The following MUC4 variants were observed in gnomAD, a reference collection of about 807,000 sequenced individuals.
The protein encoded by MUC4 is mucin 4, cell surface associated.
In MUC4, 202 loss-of-function variants were observed where a neutral mutation model predicts 257.9. The observed-to-expected ratio is 0.78, with a 90% confidence interval of 0.70 to 0.88. The LOEUF (loss-of-function observed/expected upper bound fraction) is 0.88. Among genes scored for constraint, MUC4 ranks in the 40% least tolerant of loss-of-function variants. MUC4 has a pLI of 0.00. For missense variants in MUC4, 5,976 were observed against 6,513.7 expected, an observed-to-expected ratio of 0.92 and a Z score of 2.84; for synonymous variants, 2,351 against 2,757.1, an observed-to-expected ratio of 0.85 and a Z score of 4.62.
At chr3:195,803,906 C>T (rs116077452) in intron 1 of MUC4, among the ~76,000 whole-genome samples, 1,721 of 151,710 alleles carry the variant, frequency 0.011, 33 homozygotes, top group African/African-American at 0.039. Context: ...AGCCTGAGGC[C>T]GAGCCAGGCA....
At chr3:195,797,570 A>G (rs778550460) in intron 1 of MUC4, among the ~76,000 whole-genome samples, 2 of 152,250 alleles carry the variant, frequency 1.3e-5, no homozygotes, top group African/African-American at 2.4e-5. Flanking sequence ...CTGTAAAATC[A>G]GGAATAAAAA....
At chr3:195,802,211 G>C (rs1471189566) in intron 1 of MUC4, among the ~76,000 whole-genome samples, 2 of 152,202 alleles carry the variant, frequency 1.3e-5, no homozygotes, top group Non-Finnish European at 2.9e-5. Context: ...CCAGAAAGCT[G>C]TGGGTCCTCT....
intron 1 of MUC4, 42 bp downstream of exon 1, chr3:195,811,694 T>C: frequency 6.3e-7 from 1 of 1,592,308 alleles, no homozygotes; most frequent in Non-Finnish European, 8.6e-7. Flanking sequence ...CTCCCCCAAG[T>C]GCTCCCCGCA....
intron 3 of MUC4, among the ~76,000 whole-genome samples, chr3:195,776,159 C>G (rs1263958792): frequency 8.8e-5 from 5 of 56,876 alleles, no homozygotes; most frequent in African/African-American, 3.2e-4. Flanking sequence ...ACCTTCCACA[C>G]CCATACCTTC....
chr3:195,767,630 T>C (rs867676869), intron 7 of MUC4, among the ~76,000 whole-genome samples: 66 of 26,676 alleles, frequency 2.5e-3, no homozygotes, highest in Admixed American at 4.5e-3. Context: ...ATCACCACCA[T>C]CACCACCACC....
intron 9 of MUC4, 31 bp from the exon 10 acceptor site, chr3:195,765,153 G>T: frequency 6.2e-7 from 1 of 1,601,866 alleles, no homozygotes; most frequent in South Asian, 1.1e-5. Flanking sequence ...CTCAGGCCCA[G>T]GCTGGGGCTG....
chr3:195,761,547 G>A lies in MUC4; in HGVS notation c.14551C>T (p.Pro4851Ser), dbSNP rs1718909205. The stretch of plus-strand genomic sequence containing the variant: ...CCTGGGGGAATGGTGGAGCCATTGG[G>A]CATCCTGAAGTCGTCCTCTGGATTG... Reference protein sequence around the residue: ...NNNPEDDFRMPNGSTIPPGSP... With the variant: ...NNNPEDDFRMSNGSTIPPGSP... The change falls in exon 15 of 25, where the codon CCC becomes TCC. Residue 4851 changes from proline to serine, a missense_variant. This residue lies in a region of MUC4 where 996 missense variants were observed against 1,137.3 expected (regional missense o/e 0.88). Coordinates refer to ENST00000463781, the MANE Select transcript of MUC4 (RefSeq NM_018406.7). 3 of 1,614,160 alleles carry A rather than the reference G, an allele frequency of 1.9e-6. No individual in the cohort carries two copies. The highest frequency in any genetic ancestry group is 2.5e-6 in the Non-Finnish European group (3 of 1,179,980).
At chr3:195,799,451 C>T (rs1345314599) in intron 1 of MUC4, among the ~76,000 whole-genome samples, 2 of 152,198 alleles carry the variant, frequency 1.3e-5, no homozygotes, top group Non-Finnish European at 2.9e-5. Flanking sequence ...CAGGCATGTG[C>T]CACCATGCCA....
chr3:195,771,567 A>G (rs1232986685), intron 5 of MUC4, 85 bp downstream of exon 5: 1 of 1,476,982 alleles, frequency 6.8e-7, no homozygotes, highest in Non-Finnish European at 9.2e-7. Flanking sequence ...TCACAGCAGC[A>G]ACTCTGGCAA....
At chr3:195,768,948 T>C (rs1333077907) in intron 7 of MUC4, 74 bp downstream of exon 7, 3 of 1,524,120 alleles carry the variant, frequency 2.0e-6, no homozygotes, top group East Asian at 2.3e-5. Context: ...AGGATGGGAG[T>C]GTGTGTGCAG....
chr3:195,767,468 CCACCATCACCATCACCACCACCAT>C (rs1720853073), intron 7 of MUC4, among the ~76,000 whole-genome samples: 1 of 140,310 alleles, frequency 7.1e-6, no homozygotes, highest in Non-Finnish European at 1.6e-5. Flanking sequence ...AACACTACCA[CCACCATCACCATCACCACCACCAT>C]CACCATCACC....
chr3:195,791,814 T>A (rs188716174), intron 1 of MUC4, among the ~76,000 whole-genome samples: 1 of 152,214 alleles, frequency 6.6e-6, no homozygotes, highest in Admixed American at 6.5e-5. Flanking sequence ...ACAGAATAGA[T>A]ACCTTGGAAA....
At position 195,779,420 on chromosome 3, in the gene MUC4, C is replaced by G. The variant is rs201839412; in HGVS notation, c.12160G>C (p.Ala4054Pro). The change falls in exon 2 of 25, where the codon GCT (alanine) becomes CCT (proline). Residue 4054 changes from alanine (A) to proline (P), a missense_variant. Physicochemically the swap from Ala to Pro is conservative, Grantham distance 27 (BLOSUM62 -1). Transcript: ENST00000463781. ...GDTTPLPVTNASSLSTGHATP... is the reference protein window; with the variant it reads ...GDTTPLPVTNPSSLSTGHATP... The stretch of plus-strand genomic sequence containing the variant: ...GCGTGACCTGTGGATAATGAGGAAG[C>G]ATTGGTGACAGGAAGAGGGGTGGTG... 8.5e-5 allele frequency: 57 copies of G among 671,028 alleles called. 12 individuals carry two copies. In the African/African-American group the frequency reaches 1.9e-3, roughly 23 times the overall value. 41.6% of individuals were successfully genotyped at this position (671,028 alleles called of 1,614,324 possible).
chr3:195,789,052 G>A lies in MUC4; in HGVS notation c.2528C>T (p.Ser843Leu), dbSNP rs771616546. The A allele has an allele frequency of 5.0e-6, 8 of 1,613,810 alleles. No individual in the cohort carries two copies. Among genetic ancestry groups the A allele is most frequent in the East Asian group, 4.5e-5 (2 of 44,894 alleles). The change falls in exon 2 of 25, where the codon TCA becomes TTA. Residue 843 changes from serine to leucine, a missense_variant. Physicochemically the swap from Ser to Leu is moderately radical, Grantham distance 145. Around this residue, in one of 44 missense-constraint regions of MUC4, gnomAD observed 1,583 missense variants for 1,257.4 expected, o/e 1.26. Coordinates refer to ENST00000463781, the MANE Select transcript of MUC4 (RefSeq NM_018406.7). ...TGAGGCGGACAGCAATTCGGTTGTT[G>A]ACTGGGTTGTGTGACTGTCCCTGGA... ...NPSRDSHTTQ[S>L]TTELLSASAS... is the part of the protein sequence containing the mutation.
intron 7 of MUC4, among the ~76,000 whole-genome samples, chr3:195,767,836 C>T (rs934966719): frequency 2.3e-4 from 26 of 112,058 alleles, no homozygotes; most frequent in African/African-American, 7.4e-4. Context: ...CCACCATCAC[C>T]ACCACCACCA....
intron 6 of MUC4, among the ~76,000 whole-genome samples, chr3:195,769,921 T>C (rs3096333): frequency 0.42 from 63,357 of 152,054 alleles, 13,821 homozygotes; most frequent in East Asian, 0.75. Flanking sequence ...CGTGAAATTG[T>C]GAATAGCCAG....
At chr3:195,766,592 C>A (rs948070641) in intron 8 of MUC4, 71 bp downstream of exon 8, 3 of 1,388,154 alleles carry the variant, frequency 2.2e-6, no homozygotes, top group African/African-American at 1.4e-5. Flanking sequence ...TCTAGGACTG[C>A]GATGGTGTAT....
Position 195,771,717 on chromosome 3 carries a change from C to T in MUC4, c.13177G>A (p.Ala4393Thr), listed in dbSNP as rs758250538. ...PTGFTGRDPV[A>T]LVAPFWDDAD... ...TCGTCCCAGAACGGAGCCACCAGGGCCACAGGGTCCCGGCCTGTGAAGCCT... is the reference window on the plus strand; with the variant it reads ...TCGTCCCAGAACGGAGCCACCAGGGTCACAGGGTCCCGGCCTGTGAAGCCT... Residue 4393 changes from alanine to threonine, a missense_variant, in exon 5 of 25, where the codon GCC (alanine) becomes ACC (threonine). Ala to Thr is a moderately conservative substitution (Grantham distance 58). Transcript: ENST00000463781. The T allele has an allele frequency of 3.7e-6, 6 of 1,613,920 alleles. No homozygotes were observed. Among genetic ancestry groups the T allele is most frequent in the Non-Finnish European group, 5.1e-6 (6 of 1,179,854 alleles).
Position 195,789,106 on chromosome 3 carries a change from C to T in MUC4, c.2474G>A (p.Gly825Glu). 1 of 1,613,574 alleles carries T rather than the reference C, an allele frequency of 6.2e-7. No homozygotes were observed. Among genetic ancestry groups the T allele is most frequent in the Non-Finnish European group, 8.5e-7 (1 of 1,179,748 alleles). ...GTTTGATGAAAACCTTGTCGTCTCT[C>T]CTGAGGTGGATATTCCTTCGCTTCC... is the stretch of plus-strand genomic sequence containing the variant. ...PSGSEGISTS[G>E]ETTRFSSNPS... is the part of the protein sequence containing the mutation. The change falls in exon 2 of 25, where the codon GGA becomes GAA. Residue 825 changes from glycine (G) to glutamate (E), a missense_variant. Physicochemically the swap from Gly to Glu is moderately conservative, Grantham distance 98. Transcript: ENST00000463781.
Sources: gnomAD v4.1 joint callset for allele counts (sites outside exome capture counted in the v4.1 genomes callset) on GRCh38, gnomAD v4.1.1 for gene constraint, gnomAD v4.1.1 regional missense constraint, MANE v1.5 for transcripts, NCBI Gene and HGNC (gene_info 2026-07-23, HGNC 2026-07-21) for gene names.